Variants in IPO11 observed in about 807,000 individuals in gnomAD.
The protein encoded by IPO11 is importin 11.
In IPO11, 66 loss-of-function variants were observed where a neutral mutation model predicts 143.2. The observed-to-expected ratio is 0.46, with a 90% confidence interval of 0.38 to 0.57. IPO11 has a LOEUF of 0.57. IPO11 is among the 20% of genes least tolerant of loss of function. The pLI is 0.00. For synonymous variants in IPO11, 385 were observed against 377.8 expected (o/e 1.02, Z -0.22); for missense variants, 1,026 against 1,141.0 (o/e 0.90, Z 1.45).
chr5:62,439,025 T>C (rs78871264), intron 2 of IPO11, among the ~76,000 whole-genome samples: 20 of 150,142 alleles, frequency 1.3e-4, no homozygotes, highest in Admixed American at 5.3e-4. Flanking sequence ...CACCACTGCA[T>C]TCCAACCTGG....
At chr5:62,425,265 T>G (rs1743689013) in intron 1 of IPO11, among the ~76,000 whole-genome samples, 1 of 152,200 alleles carries the variant, frequency 6.6e-6, no homozygotes, top group African/African-American at 2.4e-5. Flanking sequence ...GAACATACTC[T>G]TTGGAATGTG....
At chr5:62,460,305 C>T (rs1405066028) in intron 5 of IPO11, among the ~76,000 whole-genome samples, 1 of 152,024 alleles carries the variant, frequency 6.6e-6, no homozygotes, top group Admixed American at 6.6e-5. Flanking sequence ...TTGACTTCCT[C>T]CCTCTCCCCC....
intron 19 of IPO11, chr5:62,512,599 TC>T (rs1741795489): frequency 3.5e-6 from 2 of 565,234 alleles, no homozygotes; most frequent in East Asian, 5.8e-5. Flanking sequence ...GTTGTTGTTT[TC>T]TTTTTAATTT....
In IPO11 at chr5:62,506,340, G is replaced by C. The variant is rs765462427; in HGVS notation, c.1765G>C (p.Glu589Gln). 21 of 1,587,688 alleles carry C rather than the reference G, an allele frequency of 1.3e-5. 1 individual carries two copies. In the Admixed American group the frequency reaches 3.5e-4, roughly 27 times the overall value. Residue 589 changes from glutamate (E) to glutamine (Q), a missense_variant, in exon 19 of 30, where the codon GAA becomes CAA. Physicochemically the swap from Glu to Gln is conservative, Grantham distance 29. Coordinates refer to ENST00000325324, the MANE Select transcript of IPO11 (RefSeq NM_016338.5). ...HVLHVLSCVI[E>Q]RVNMQIRPYV... ...TTTGCATGTCCTTTCTTGTGTGATC[G>C]AAAGAGTCAACATGCAGGTAATTAT... is the stretch of plus-strand genomic sequence containing the variant.
intron 8 of IPO11, among the ~76,000 whole-genome samples, chr5:62,474,896 G>T (rs1745902129): frequency 6.6e-6 from 1 of 152,204 alleles, no homozygotes; most frequent in Non-Finnish European, 1.5e-5. Flanking sequence ...TGGACAAAGG[G>T]AGGATTCTCG....
intron 15 of IPO11, among the ~76,000 whole-genome samples, chr5:62,493,153 G>A (rs1291625342): frequency 6.6e-6 from 1 of 152,150 alleles, no homozygotes; most frequent in East Asian, 1.9e-4. Flanking sequence ...GGTAATCTGA[G>A]TCACATTCTG....
At chr5:62,476,303 A>G (rs1745955351) in intron 8 of IPO11, among the ~76,000 whole-genome samples, 1 of 152,180 alleles carries the variant, frequency 6.6e-6, no homozygotes, top group Admixed American at 6.5e-5. Context: ...ATCAGAATAA[A>G]TTTGTCAGAA....
intron 16 of IPO11, among the ~76,000 whole-genome samples, chr5:62,496,826 A>C (rs997789654): frequency 1.7e-4 from 26 of 152,232 alleles, no homozygotes; most frequent in African/African-American, 6.0e-4. Context: ...CAATATTTCA[A>C]ATAAACCAAA....
At position 62,551,211 on chromosome 5, in the gene IPO11, T is replaced by C. The variant is rs765147265; in HGVS notation, c.2347-12T>C. ...AACACAATTTTACATGTGTTGTATT[T>C]TAATTGTACAGAGGTATCCTGTAGT... On this transcript the variant is annotated splice_polypyrimidine_tract_variant and intron_variant, in intron 25 of 29. Coordinates refer to ENST00000325324, the MANE Select transcript of IPO11 (RefSeq NM_016338.5). The C allele has an allele frequency of 3.5e-6, 5 of 1,444,382 alleles. No individual in the cohort carries two copies. In the East Asian group the frequency reaches 1.1e-4, roughly 33 times the overall value. 89.5% of individuals were successfully genotyped at this position (1,444,382 alleles called of 1,614,324 possible).
intron 24 of IPO11, among the ~76,000 whole-genome samples, chr5:62,540,399 C>T (rs542696298): frequency 6.6e-6 from 1 of 152,308 alleles, no homozygotes; most frequent in South Asian, 2.1e-4. Context: ...GAGGTGATTT[C>T]TCACATTTAA....
intron 15 of IPO11, 53 bp from the exon 16 acceptor site, chr5:62,493,945 A>G (rs1741037582): frequency 1.4e-6 from 2 of 1,474,166 alleles, no homozygotes; most frequent in East Asian, 4.8e-5. Context: ...ACTAAAAGAA[A>G]TAGACCTCTT....
chr5:62,453,073 A>G (rs1745000801), intron 5 of IPO11, among the ~76,000 whole-genome samples: 1 of 150,908 alleles, frequency 6.6e-6, no homozygotes, highest in African/African-American at 2.5e-5. Flanking sequence ...GGCTCAAGAA[A>G]CTATTTCAGG....
chr5:62,600,280 AGGG>A lies in IPO11; in HGVS notation c.2679-1482_2679-1480del, dbSNP rs1561381969. 6.6e-5 allele frequency among the ~76,000 whole-genome samples: 10 copies of A among 152,222 alleles called. No homozygotes were observed. The South Asian group carries it at 2.1e-3, about 32-fold the overall frequency. On this transcript the variant is annotated intron_variant, in intron 28 of 29. Transcript: ENST00000325324. Reference sequence around the variant, plus strand: ...AGGTTGGTCTCGAGCTTCTGACCTCAGGGGATTCACCCACCTCAGCCTCCCAAA... The same window carrying A: ...AGGTTGGTCTCGAGCTTCTGACCTCAGATTCACCCACCTCAGCCTCCCAAA...
At chr5:62,440,499 C>T (rs1446880024) in intron 2 of IPO11, among the ~76,000 whole-genome samples, 3 of 151,404 alleles carry the variant, frequency 2.0e-5, no homozygotes, top group South Asian at 2.1e-4. Flanking sequence ...GGATTACAGG[C>T]GCCCCCCCAC....
intron 16 of IPO11, among the ~76,000 whole-genome samples, chr5:62,496,358 CAT>C (rs2112246679): frequency 6.6e-6 from 1 of 151,512 alleles, no homozygotes; most frequent in East Asian, 1.9e-4. Flanking sequence ...CATTAATATT[CAT>C]AGAATATACT....
At chr5:62,490,249 CACTT>C in intron 15 of IPO11, 29 bp downstream of exon 15, 1 of 1,380,704 alleles carries the variant, frequency 7.2e-7, no homozygotes. Flanking sequence ...ATTTATTATA[CACTT>C]ACTTTACCTT....
intron 1 of IPO11, among the ~76,000 whole-genome samples, chr5:62,433,406 G>A (rs1343090262): frequency 2.0e-5 from 3 of 152,050 alleles, no homozygotes; most frequent in Admixed American, 6.6e-5. Flanking sequence ...CTGTAGGCAC[G>A]TTCGTATATT....
At chr5:62,494,239 C>CTAGT in intron 16 of IPO11, 115 bp downstream of exon 16, 1 of 778,588 alleles carries the variant, frequency 1.3e-6, no homozygotes, top group South Asian at 3.2e-5. Context: ...TTTCACTGCA[C>CTAGT]TAGTTATTCC....
At chr5:62,563,214 G>T (rs1743831354) in intron 27 of IPO11, among the ~76,000 whole-genome samples, 1 of 152,182 alleles carries the variant, frequency 6.6e-6, no homozygotes, top group Admixed American at 6.5e-5. Context: ...AAAGTGACTT[G>T]AGAATTATTG....
Sources: gnomAD v4.1 joint callset for allele counts (sites outside exome capture counted in the v4.1 genomes callset) on GRCh38, gnomAD v4.1.1 for gene constraint, MANE v1.5 for transcripts, NCBI Gene and HGNC (gene_info 2026-07-23, HGNC 2026-07-21) for gene names.